The following MYL3 variants were observed in gnomAD, a reference collection of about 807,000 sequenced individuals.
MYL3 encodes myosin light chain 3.
A neutral mutation model predicts 21.3 loss-of-function variants in MYL3; 11 were observed. That is an observed-to-expected ratio of 0.52 (90% CI 0.32 to 0.85). The LOEUF is 0.85. MYL3 is among the 40% of genes least tolerant of loss of function. The pLI, the probability that MYL3 is intolerant of heterozygous loss-of-function variation, is 0.03. For synonymous variants in MYL3, 88 were observed against 91.6 expected, an observed-to-expected ratio of 0.96 and a Z score of 0.22; for missense variants, 206 against 253.3, an observed-to-expected ratio of 0.81 and a Z score of 1.27.
In MYL3 at chr3:46,882,160, C is replaced by T. The variant is rs1392927338; in HGVS notation, c.-304G>A. On this transcript the variant is annotated 5_prime_UTR_variant, in exon 1 of 4. Transcript: ENST00000431168. This position sits in a 1 kb window ranked among gnomAD's most constrained non-coding sequence, Gnocchi z 4.3. ...GAAGGCTCCTCTCGGCCTCTCCACA[C>T]TCCCGCGTCGGCGGCTGCGGAGGGG... The T allele has an allele frequency of 6.6e-6, 1 of 151,132 alleles. No individual in the cohort carries two copies. Among genetic ancestry groups the T allele is most frequent in the African/African-American group, 2.4e-5 (1 of 41,152 alleles). The allele number at this position is 151,132 out of a possible 1,614,324, so 9.4% of individuals were successfully genotyped here.
At position 46,857,975 on chromosome 3, in the gene MYL3, G is replaced by T; in HGVS notation, c.*140C>A. The T allele has an allele frequency of 3.6e-6, 2 of 561,176 alleles. No individual in the cohort carries two copies. Among genetic ancestry groups the T allele is most frequent in the Non-Finnish European group, 6.4e-6 (2 of 311,338 alleles). The allele number at this position is 561,176 out of a possible 1,614,324, so 34.8% of individuals were successfully genotyped here. A position where few individuals can be genotyped will look rare whatever the true frequency, so the allele number is the denominator to read the frequency against. On this transcript the variant is annotated 3_prime_UTR_variant, in exon 7 of 7. Transcript: ENST00000292327. The surrounding 1 kb of genome is among the most constrained non-coding windows in gnomAD (Gnocchi z 5.0). ...GAGAGGGGCCAGAGACGGCAACCAC[G>T]TGGAGAGGTCCAAGGGTTTTTGCAG...
chr3:46,878,135 T>C (rs2030341127), intron 1 of MYL3, among the ~76,000 whole-genome samples: 1 of 152,148 alleles, frequency 6.6e-6, no homozygotes, highest in Non-Finnish European at 1.5e-5. Context: ...TCCCTTCACC[T>C]TCCTGAGAGG....
chr3:46,868,025 A>C (rs1702065093), upstream of MYL3, among the ~76,000 whole-genome samples: 1 of 152,180 alleles, frequency 6.6e-6, no homozygotes, highest in Admixed American at 6.5e-5. Flanking sequence ...CGAGGCAGGT[A>C]CAAGGACCAG....
At chr3:46,858,588 AG>A in intron 4 of MYL3, 127 bp from the exon 5 acceptor site, 1 of 924,174 alleles carries the variant, frequency 1.1e-6, no homozygotes, top group South Asian at 1.4e-5. Flanking sequence ...ACTGTTCACA[AG>A]ACCTTGGCCA....
chr3:46,863,877 T>C (rs1212653874), upstream of MYL3, among the ~76,000 whole-genome samples: 1 of 152,044 alleles, frequency 6.6e-6, no homozygotes, highest in Non-Finnish European at 1.5e-5. Context: ...CTCTCCAAAG[T>C]CCCCTGTGTC....
chr3:46,865,742 T>C (rs1575499660), upstream of MYL3, among the ~76,000 whole-genome samples: 1 of 152,170 alleles, frequency 6.6e-6, no homozygotes, highest in Non-Finnish European at 1.5e-5. This position sits in a 1 kb window ranked among gnomAD's most constrained non-coding sequence, Gnocchi z 4.3. Flanking sequence ...AGCCACATAG[T>C]GCCACCTTCC....
intron 1 of MYL3, among the ~76,000 whole-genome samples, chr3:46,881,308 A>T (rs1302311023): frequency 6.6e-6 from 1 of 152,150 alleles, no homozygotes; most frequent in Non-Finnish European, 1.5e-5. Flanking sequence ...TTAGAGCTCC[A>T]GCGTGCCCTC....
chr3:46,880,704 G>T lies in MYL3; in HGVS notation c.-218+1370C>A, dbSNP rs185042652. 2.9e-3 allele frequency among the ~76,000 whole-genome samples: 447 copies of T among 152,274 alleles called. 4 individuals are homozygous for T. Among genetic ancestry groups the T allele is most frequent in the Non-Finnish European group, 3.9e-3 (263 of 68,024 alleles). ...ATCATGCCACTGGACTCCAGCCTGG[G>T]TGACAAAGTGAGACTTTGTCTTGAA... On this transcript the variant is annotated intron_variant, in intron 1 of 3. Transcript: ENST00000431168.
chr3:46,877,802 T>G (rs2030317506), intron 1 of MYL3: 2 of 152,298 alleles, frequency 1.3e-5, no homozygotes. Flanking sequence ...TTGAGTCTGC[T>G]CTGCAGCTTT....
upstream of MYL3, chr3:46,866,746 A>T (rs1702051142): frequency 6.6e-6 from 1 of 152,180 alleles, no homozygotes; most frequent in South Asian, 2.1e-4. Context: ...TTGCCAACTG[A>T]CTGACAGGAG....
In MYL3 at chr3:46,879,500, T is replaced by TG. The variant is rs1182725825; in HGVS notation, c.-218+2573dup. Reference sequence around the variant, plus strand: ...GTTCATGCCTGTAATCCCAGCACTTTGGGAGGCCGAGGCAGGAGGACTGCT... The same window carrying TG: ...GTTCATGCCTGTAATCCCAGCACTTTGGGGAGGCCGAGGCAGGAGGACTGCT... On this transcript the variant is annotated intron_variant, in intron 1 of 3. Transcript: ENST00000431168. This position sits in a 1 kb window ranked among gnomAD's most constrained non-coding sequence, Gnocchi z 4.7. 1.3e-5 allele frequency among the ~76,000 whole-genome samples: 2 copies of TG among 152,160 alleles called. No individual in the cohort carries two copies. The highest frequency in any genetic ancestry group is 4.8e-5 in the African/African-American group (2 of 41,440).
In MYL3 at chr3:46,860,900, C is replaced by A. The variant is rs931465740; in HGVS notation, c.157+60G>T. 1.9e-6 allele frequency: 3 copies of A among 1,613,926 alleles called. No individual in the cohort carries two copies. In the African/African-American group the frequency reaches 4.0e-5, roughly 22 times the overall value. ...CCACTCCCCACACCCCTGGCAGGAC[C>A]CTCAGACCAGGGAACCCCAGCCCAA... is the stretch of plus-strand genomic sequence containing the variant. On this transcript the variant is annotated intron_variant, in intron 2 of 6. Transcript: ENST00000292327. The surrounding 1 kb of genome is among the most constrained non-coding windows in gnomAD (Gnocchi z 4.6).
chr3:46,869,955 G>A (rs765131580), intron 1 of MYL3, among the ~76,000 whole-genome samples: 8 of 151,970 alleles, frequency 5.3e-5, no homozygotes, highest in Middle Eastern at 6.8e-3. Flanking sequence ...GGGCCATCAC[G>A]GAGAAACTGG....
Position 46,874,972 on chromosome 3 carries a change from G to C in MYL3, c.-218+7102C>G, listed in dbSNP as rs2030134508. Among the ~76,000 whole-genome samples the C allele has an allele frequency of 6.6e-6, 1 of 152,218 alleles. No individual in the cohort carries two copies. The highest frequency in any genetic ancestry group is 1.5e-5 in the Non-Finnish European group (1 of 68,034). ...ACCATGCCACCAGGGATCTCCCTCA[G>C]AGCTGCCCTTGGGAACAGCAGGGCT... On this transcript the variant is annotated intron_variant, in intron 1 of 3. Transcript: ENST00000431168. This position sits in a 1 kb window ranked among gnomAD's most constrained non-coding sequence, Gnocchi z 4.1.
At chr3:46,875,560 T>C (rs1411814321) in intron 1 of MYL3, among the ~76,000 whole-genome samples, 2 of 152,166 alleles carry the variant, frequency 1.3e-5, no homozygotes, top group African/African-American at 2.4e-5. Flanking sequence ...GAGAAATCAG[T>C]TTTGATGGCC....
At position 46,859,888 on chromosome 3, in the gene MYL3, G is replaced by A. The variant is rs1701971857; in HGVS notation, c.308-240C>T. On this transcript the variant is annotated intron_variant, in intron 3 of 6. Transcript: ENST00000292327. This position sits in a 1 kb window ranked among gnomAD's most constrained non-coding sequence, Gnocchi z 4.1. The stretch of plus-strand genomic sequence containing the variant: ...CCTTTGCTATTCACAAAGGGAGTTT[G>A]CTGCCCTGAGCCACCACGGAGGGCT... Among the ~76,000 whole-genome samples the A allele has an allele frequency of 6.6e-6, 1 of 152,174 alleles. No individual in the cohort carries two copies. Among genetic ancestry groups the A allele is most frequent in the African/African-American group, 2.4e-5 (1 of 41,440 alleles).
upstream of MYL3, among the ~76,000 whole-genome samples, chr3:46,865,557 G>C (rs1702040208): frequency 6.6e-6 from 1 of 152,214 alleles, no homozygotes; most frequent in Admixed American, 6.5e-5. This position sits in a 1 kb window ranked among gnomAD's most constrained non-coding sequence, Gnocchi z 4.3. Flanking sequence ...GGCCAGAGCA[G>C]AGGACATATA....
intron 1 of MYL3, among the ~76,000 whole-genome samples, chr3:46,870,355 G>A (rs1430761742): frequency 6.6e-6 from 1 of 152,052 alleles, no homozygotes; most frequent in Non-Finnish European, 1.5e-5. Flanking sequence ...CGAGGACAGG[G>A]ACAACAGTGA....
At chr3:46,869,415 G>A (rs1702083542) in intron 1 of MYL3, among the ~76,000 whole-genome samples, 1 of 152,082 alleles carries the variant, frequency 6.6e-6, no homozygotes, top group African/African-American at 2.4e-5. Flanking sequence ...CCTGGGTGCT[G>A]GGCTGGGGCT....
Sources: gnomAD v4.1 joint callset for allele counts (sites outside exome capture counted in the v4.1 genomes callset) on GRCh38, gnomAD v4.1.1 for gene constraint, Gnocchi (gnomAD v3.1) non-coding constraint, MANE v1.5 for transcripts, NCBI Gene and HGNC (gene_info 2026-07-23, HGNC 2026-07-21) for gene names.